Variants in PATJ observed in about 807,000 individuals in gnomAD.
PATJ encodes inaD-like protein.
A neutral mutation model predicts 224.9 loss-of-function variants in PATJ; 190 were observed. The ratio of observed to expected loss-of-function variants is 0.84; its 90% CI spans 0.75 to 0.95. The LOEUF is 0.95. PATJ is among the 40% of genes least tolerant of loss of function. The pLI is 0.00. For synonymous variants in PATJ, 769 were observed against 820.3 expected, an observed-to-expected ratio of 0.94 and a Z score of 1.07; for missense variants, 2,121 against 2,270.3, an observed-to-expected ratio of 0.93 and a Z score of 1.34.
At chr1:61,994,406 C>T (rs1421337450) in intron 28 of PATJ, among the ~76,000 whole-genome samples, 1 of 152,032 alleles carries the variant, frequency 6.6e-6, no homozygotes, top group African/African-American at 2.4e-5. Context: ...TTTTTTTCAG[C>T]GTTGTATAGC....
chr1:62,033,162 T>C (rs761579153), intron 29 of PATJ, among the ~76,000 whole-genome samples: 2 of 152,238 alleles, frequency 1.3e-5, no homozygotes, highest in Non-Finnish European at 2.9e-5. Flanking sequence ...CATTCTTCAC[T>C]AATTGCTAAT....
At chr1:61,840,145 CT>C (rs1314792885) in intron 17 of PATJ, among the ~76,000 whole-genome samples, 1 of 151,764 alleles carries the variant, frequency 6.6e-6, no homozygotes, top group African/African-American at 2.4e-5. Flanking sequence ...TGCAAAAAAT[CT>C]AGTGTGTAGT....
Position 62,117,218 on chromosome 1 carries a change from G to C in PATJ, c.4890G>C (p.Gln1630His). ...CAAGGACGACATCACAGAACAGTCA[G>C]GTTGTCGATGGCTTCTCATCAGACT... ...TSARTTSQNS[Q>H]GSQQSAHSSC... is the part of the protein sequence containing the mutation. Residue 1630 changes from glutamine (Q) to histidine (H), a missense_variant and splice_region_variant, in exon 37 of 44, where the codon CAG (glutamine) becomes CAC (histidine). Coordinates refer to ENST00000642238, the MANE Select transcript of PATJ (RefSeq NM_001350145.3). The C allele has an allele frequency of 1.9e-6, 3 of 1,614,034 alleles. No homozygotes were observed. The highest frequency in any genetic ancestry group is 2.5e-6 in the Non-Finnish European group (3 of 1,179,968).
chr1:61,901,084 A>G (rs983412668), intron 23 of PATJ, among the ~76,000 whole-genome samples, 198 bp from the exon 24 acceptor site: 2 of 152,244 alleles, frequency 1.3e-5, no homozygotes, highest in African/African-American at 4.8e-5. Flanking sequence ...TATGCTTTTC[A>G]GAACTAAAAC....
chr1:62,115,371 G>A (rs1664341539), intron 35 of PATJ, among the ~76,000 whole-genome samples: 2 of 151,916 alleles, frequency 1.3e-5, no homozygotes, highest in African/African-American at 4.8e-5. Context: ...AGTGGCTCAC[G>A]TCTATAATCC....
At chr1:61,859,369 G>T (rs1664190729) in intron 18 of PATJ, among the ~76,000 whole-genome samples, 1 of 152,172 alleles carries the variant, frequency 6.6e-6, no homozygotes, top group Admixed American at 6.5e-5. Flanking sequence ...ATACTTAGGA[G>T]TGGGAGGCCA....
intron 41 of PATJ, among the ~76,000 whole-genome samples, chr1:62,144,771 A>ATATATATATATATATATATATAT (rs1439255158): frequency 0.012 from 877 of 72,624 alleles, 64 homozygotes; most frequent in East Asian, 0.058. Context: ...ATTTGCAAAA[A>ATATATATATATATATATATATAT]AAAAAAATAT....
intron 17 of PATJ, among the ~76,000 whole-genome samples, chr1:61,834,815 A>G (rs1232887288): frequency 1.3e-5 from 2 of 151,876 alleles, no homozygotes; most frequent in Non-Finnish European, 2.9e-5. Context: ...TGCAACCTCT[A>G]TCTCCCTGGT....
At chr1:61,956,118 G>T (rs78111556) in intron 27 of PATJ, among the ~76,000 whole-genome samples, 2 of 152,122 alleles carry the variant, frequency 1.3e-5, no homozygotes, top group East Asian at 1.9e-4. Context: ...ACACCTCCCC[G>T]TGGCATCACA....
At chr1:61,864,841 C>T (rs542844074) in intron 20 of PATJ, among the ~76,000 whole-genome samples, 1 of 152,158 alleles carries the variant, frequency 6.6e-6, no homozygotes, top group Non-Finnish European at 1.5e-5. Flanking sequence ...GGTCAATAAA[C>T]TGCAGTTGCC....
At chr1:61,953,588 A>T (rs1019968995) in intron 27 of PATJ, among the ~76,000 whole-genome samples, 1 of 152,116 alleles carries the variant, frequency 6.6e-6, no homozygotes, top group Non-Finnish European at 1.5e-5. Flanking sequence ...CTGTCTGACT[A>T]TATTGTGTTT....
chr1:61,847,811 C>T (rs11207847), intron 17 of PATJ, among the ~76,000 whole-genome samples: 2,882 of 152,218 alleles, frequency 0.019, 106 homozygotes, highest in African/African-American at 0.065. Context: ...GAACTGTTCT[C>T]GTGATTTTAA....
intron 20 of PATJ, among the ~76,000 whole-genome samples, chr1:61,872,946 A>G (rs1392047975): frequency 6.6e-6 from 1 of 152,192 alleles, no homozygotes; most frequent in Non-Finnish European, 1.5e-5. Flanking sequence ...CAAAGCTGGA[A>G]GTATTTTGTA....
intron 27 of PATJ, among the ~76,000 whole-genome samples, chr1:61,942,026 C>T (rs1393182992): frequency 6.6e-6 from 1 of 152,166 alleles, no homozygotes; most frequent in African/African-American, 2.4e-5. Flanking sequence ...TGCACTGCTT[C>T]AGTGGTGCCA....
chr1:62,021,245 C>T lies in PATJ; in HGVS notation c.3959+3298C>T, dbSNP rs1043001854. Among the ~76,000 whole-genome samples the T allele has an allele frequency of 5.3e-5, 8 of 152,262 alleles. No individual in the cohort carries two copies. The East Asian group carries it at 9.7e-4, about 18-fold the overall frequency. On this transcript the variant is annotated intron_variant, in intron 29 of 43. Coordinates refer to ENST00000642238, the MANE Select transcript of PATJ (RefSeq NM_001350145.3). ...CATAGATCTATTCCGTGTATCCTCA[C>T]GTAACAGGAGGGGCTCCCTTGGGCC... is the stretch of plus-strand genomic sequence containing the variant.
chr1:61,807,386 A>G (rs1653810218), intron 13 of PATJ, among the ~76,000 whole-genome samples: 1 of 152,118 alleles, frequency 6.6e-6, no homozygotes, highest in African/African-American at 2.4e-5. Flanking sequence ...TGTGTTGCCC[A>G]GTCTGGTCTC....
At chr1:61,744,423 C>A (rs1254151371) in intron 1 of PATJ, among the ~76,000 whole-genome samples, 1 of 152,022 alleles carries the variant, frequency 6.6e-6, no homozygotes, top group East Asian at 1.9e-4. Flanking sequence ...GACTTGCAAG[C>A]ATGAGCTTTC....
chr1:61,792,250 T>C (rs1190157667), intron 9 of PATJ, among the ~76,000 whole-genome samples: 1 of 152,250 alleles, frequency 6.6e-6, no homozygotes, highest in African/African-American at 2.4e-5. Context: ...ATGAACTATC[T>C]TTTTTCAAAC....
rs559819739 is a variant in PATJ at position 62,121,414 on chromosome 1, C to A, written c.5005+119C>A. On this transcript the variant is annotated intron_variant, in intron 38 of 43. Transcript: ENST00000642238. ...ATGTTTTTTAATTTTTTGAGCTTGGCCACATAAGCTGAGCTTTCTGAAAGG... is the reference window on the plus strand; with the variant it reads ...ATGTTTTTTAATTTTTTGAGCTTGGACACATAAGCTGAGCTTTCTGAAAGG... 1.5e-5 allele frequency: 10 copies of A among 664,362 alleles called. No homozygotes were observed. The South Asian group carries it at 1.9e-4, about 12-fold the overall frequency. 41.2% of individuals were successfully genotyped at this position (664,362 alleles called of 1,614,324 possible). A position where few individuals can be genotyped will look rare whatever the true frequency, so the allele number is the denominator to read the frequency against.
Sources: allele counts gnomAD v4.1 joint callset (sites outside exome capture counted in the v4.1 genomes callset), GRCh38; gene constraint gnomAD v4.1.1; transcripts MANE v1.5; gene names NCBI Gene and HGNC (gene_info 2026-07-23, HGNC 2026-07-21).